Variants in MARCHF4 observed in about 807,000 individuals in gnomAD.
The protein encoded by MARCHF4 is E3 ubiquitin-protein ligase MARCHF4.
MARCHF4 carries 14 observed loss-of-function variants against 43.9 expected under a neutral mutation model. That is an observed-to-expected ratio of 0.32 (90% confidence interval 0.21 to 0.50). The LOEUF (loss-of-function observed/expected upper bound fraction) is 0.50, where lower values mean the gene tolerates loss of function less well. MARCHF4 is among the 20% of genes least tolerant of loss of function. The pLI is 0.98. For missense variants in MARCHF4, 468 were observed against 536.7 expected, an observed-to-expected ratio of 0.87 and a Z score of 1.27; for synonymous variants, 226 against 213.3, an observed-to-expected ratio of 1.06 and a Z score of -0.52.
intron 1 of MARCHF4, among the ~76,000 whole-genome samples, chr2:216,340,961 G>A (rs113315604): frequency 6.6e-6 from 1 of 152,112 alleles, no homozygotes; most frequent in Non-Finnish European, 1.5e-5. Flanking sequence ...AAGCCCCCTG[G>A]CTTGGAAAGT....
rs77007115 is a variant in MARCHF4 at position 216,365,346 on chromosome 2, C to T, written c.516+4399G>A. On this transcript the variant is annotated intron_variant, in intron 1 of 3. Coordinates refer to ENST00000273067, the MANE Select transcript of MARCHF4 (RefSeq NM_020814.3). Reference sequence around the variant, plus strand: ...AGCCTGCTAAACTTTTCCAGATACACGTCCTACTTTCCATTAGGGCCAGAA... The same window carrying T: ...AGCCTGCTAAACTTTTCCAGATACATGTCCTACTTTCCATTAGGGCCAGAA... Among the ~76,000 whole-genome samples the T allele has an allele frequency of 3.3e-3, 499 of 152,380 alleles. 2 individuals are homozygous for T. The highest frequency in any genetic ancestry group is 0.012 in the African/African-American group (480 of 41,600).
At position 216,302,897 on chromosome 2, in the gene MARCHF4, CAAAAAAAAAAAAA is replaced by C. The variant is rs201503998; in HGVS notation, c.517-19181_517-19169del. On this transcript the variant is annotated intron_variant, in intron 1 of 3. Transcript: ENST00000273067. ...TGGGTGACAAGGTGAGACTCTGTAT[CAAAAAAAAAAAAA>C]AAAAAAAAAAAAAGAAAATGGCATT... 8.9e-3 allele frequency among the ~76,000 whole-genome samples: 696 copies of C among 78,340 alleles called. 4 individuals are homozygous for C. The highest frequency in any genetic ancestry group is 0.019 in the South Asian group (44 of 2,294). 51.4% of individuals were successfully genotyped at this position (78,340 alleles called of 152,430 possible).
chr2:216,263,973 G>C (rs1190330524), intron 3 of MARCHF4, among the ~76,000 whole-genome samples: 1 of 151,670 alleles, frequency 6.6e-6, no homozygotes, highest in Admixed American at 6.6e-5. Context: ...TCACACGGTG[G>C]GCTTCATCCC....
At chr2:216,304,935 C>G (rs1265558190) in intron 1 of MARCHF4, among the ~76,000 whole-genome samples, 2 of 151,948 alleles carry the variant, frequency 1.3e-5, no homozygotes, top group African/African-American at 4.8e-5. Context: ...GTCTGGGCAA[C>G]ACAGTGAGAC....
At chr2:216,369,095 C>T (rs1484737942) in intron 1 of MARCHF4, among the ~76,000 whole-genome samples, 2 of 152,198 alleles carry the variant, frequency 1.3e-5, no homozygotes, top group Non-Finnish European at 2.9e-5. Flanking sequence ...TTCTCATTCC[C>T]ATTTACCTGC....
At chr2:216,340,570 C>A (rs918150941) in intron 1 of MARCHF4, among the ~76,000 whole-genome samples, 1 of 152,204 alleles carries the variant, frequency 6.6e-6, no homozygotes, top group Admixed American at 6.5e-5. Context: ...CAGTAGCCCC[C>A]CAGGGCTGCC....
intron 1 of MARCHF4, among the ~76,000 whole-genome samples, chr2:216,320,728 T>C (rs1033869746): frequency 6.7e-6 from 1 of 148,676 alleles, no homozygotes; most frequent in African/African-American, 2.5e-5. Context: ...TGGAGTGCAA[T>C]GGCGCGATCT....
chr2:216,310,508 T>G (rs924336983), intron 1 of MARCHF4, among the ~76,000 whole-genome samples: 2 of 152,174 alleles, frequency 1.3e-5, no homozygotes, highest in African/African-American at 4.8e-5. Context: ...GCGATCCTCC[T>G]GCCTCAGCCT....
chr2:216,260,459 G>T (rs1365174395), intron 3 of MARCHF4, among the ~76,000 whole-genome samples: 1 of 152,186 alleles, frequency 6.6e-6, no homozygotes, highest in African/African-American at 2.4e-5. Context: ...GGTGGGAAAG[G>T]CCTTTTGGAG....
chr2:216,350,113 C>T (rs899980285), intron 1 of MARCHF4, among the ~76,000 whole-genome samples: 4 of 151,976 alleles, frequency 2.6e-5, no homozygotes, highest in African/African-American at 9.7e-5. Context: ...CACAACCATG[C>T]TATGCCACAC....
chr2:216,334,499 C>G (rs1301528929), intron 1 of MARCHF4, among the ~76,000 whole-genome samples: 1 of 152,122 alleles, frequency 6.6e-6, no homozygotes, highest in Non-Finnish European at 1.5e-5. Flanking sequence ...CTCCTGAACT[C>G]AAGTGATCCT....
At chr2:216,266,567 G>T (rs1468672066) in intron 3 of MARCHF4, among the ~76,000 whole-genome samples, 2 of 152,096 alleles carry the variant, frequency 1.3e-5, no homozygotes, top group Admixed American at 1.3e-4. Context: ...TTCTCATACT[G>T]GTGCCTCCTC....
chr2:216,328,387 G>A (rs548292155), intron 1 of MARCHF4, among the ~76,000 whole-genome samples: 40 of 152,276 alleles, frequency 2.6e-4, no homozygotes, highest in African/African-American at 8.9e-4. Flanking sequence ...GAATGGTCTC[G>A]ATCTCCTAAC....
intron 2 of MARCHF4, among the ~76,000 whole-genome samples, chr2:216,278,222 A>ATTTG (rs781490852): frequency 3.3e-5 from 5 of 150,204 alleles, no homozygotes; most frequent in Non-Finnish European, 5.9e-5. Context: ...TGATTCTTTT[A>ATTTG]TTTATTTATT....
In MARCHF4 at chr2:216,259,027, T is replaced by C. The variant is rs1204031035; in HGVS notation, c.*285A>G. On this transcript the variant is annotated 3_prime_UTR_variant, in exon 4 of 4. Coordinates refer to ENST00000273067, the MANE Select transcript of MARCHF4 (RefSeq NM_020814.3). ...TTCGGGTACCTTGCCTGCAGGTGCATTGGGGCAGGGTTTTTCTGTTGGGCC... is the reference window on the plus strand; with the variant it reads ...TTCGGGTACCTTGCCTGCAGGTGCACTGGGGCAGGGTTTTTCTGTTGGGCC... The C allele has an allele frequency of 1.1e-5, 3 of 264,610 alleles. No individual in the cohort carries two copies. Among genetic ancestry groups the C allele is most frequent in the Non-Finnish European group, 1.4e-5 (2 of 139,068 alleles). The allele number at this position is 264,610 out of a possible 1,614,324, so 16.4% of individuals were successfully genotyped here. A position where few individuals can be genotyped will look rare whatever the true frequency, so the allele number is the denominator to read the frequency against.
chr2:216,281,058 C>CTTT (rs58189904), intron 2 of MARCHF4, among the ~76,000 whole-genome samples: 5 of 104,294 alleles, frequency 4.8e-5, no homozygotes, highest in East Asian at 2.6e-4. Context: ...TTTCTCACAA[C>CTTT]TTTTTTTTTT....
chr2:216,268,321 T>C (rs982020745), intron 3 of MARCHF4, among the ~76,000 whole-genome samples: 1 of 152,196 alleles, frequency 6.6e-6, no homozygotes, highest in African/African-American at 2.4e-5. Flanking sequence ...GTAGCCGATA[T>C]GGTTTGGCTG....
chr2:216,291,604 G>A (rs1171045182), intron 1 of MARCHF4, among the ~76,000 whole-genome samples: 1 of 152,138 alleles, frequency 6.6e-6, no homozygotes, highest in African/African-American at 2.4e-5. Flanking sequence ...AGTAAATGCT[G>A]GCTAATAGGT....
chr2:216,284,576 T>C (rs1691189127), intron 1 of MARCHF4, among the ~76,000 whole-genome samples: 1 of 152,142 alleles, frequency 6.6e-6, no homozygotes, highest in African/African-American at 2.4e-5. Context: ...AGTGATCCTC[T>C]GGCCTCGGCC....
Sources: gnomAD v4.1 joint callset for allele counts (sites outside exome capture counted in the v4.1 genomes callset) on GRCh38, gnomAD v4.1.1 for gene constraint, MANE v1.5 for transcripts, NCBI Gene and HGNC (gene_info 2026-07-23, HGNC 2026-07-21) for gene names.